Variants in RAB5C observed in about 807,000 individuals in gnomAD.
RAB5C encodes the protein ras-related protein Rab-5C.
In RAB5C, 4 loss-of-function variants were observed where a neutral mutation model predicts 25.2. The ratio of observed to expected loss-of-function variants is 0.16; its 90% CI spans 0.08 to 0.36. RAB5C has a LOEUF of 0.36. RAB5C is among the 10% of genes least tolerant of loss of function. The pLI, the probability that RAB5C is intolerant of heterozygous loss-of-function variation, is 1.00. For synonymous variants in RAB5C, 100 were observed against 106.4 expected (o/e 0.94, Z 0.37); for missense variants, 199 against 283.8 (o/e 0.70, Z 2.15).
At chr17:42,144,817 C>CTT (rs1425923946) in intron 1 of RAB5C, among the ~76,000 whole-genome samples, 9 of 151,710 alleles carry the variant, frequency 5.9e-5, no homozygotes, top group Non-Finnish European at 8.8e-5. Context: ...GTCCCAGCTA[C>CTT]GCAGGAGGCT....
intron 4 of RAB5C, 21 bp from the exon 5 acceptor site, chr17:42,126,869 AG>A: frequency 6.5e-7 from 1 of 1,537,240 alleles, no homozygotes; most frequent in Non-Finnish European, 8.9e-7. Flanking sequence ...TGGAGGTGAG[AG>A]GAGGTGAGAG....
intron 1 of RAB5C, among the ~76,000 whole-genome samples, chr17:42,148,879 C>G (rs1461279030): frequency 2.0e-5 from 3 of 152,164 alleles, no homozygotes; most frequent in Non-Finnish European, 2.9e-5. Context: ...CATAGTCCCC[C>G]ACTCTAACAT....
chr17:42,135,787 G>A (rs889466551), intron 1 of RAB5C, among the ~76,000 whole-genome samples: 7 of 152,186 alleles, frequency 4.6e-5, no homozygotes, highest in African/African-American at 1.7e-4. Context: ...CTGGTAAAAG[G>A]GTGAGCAATT....
chr17:42,147,050 C>T (rs924039864), intron 1 of RAB5C, among the ~76,000 whole-genome samples: 59 of 120,586 alleles, frequency 4.9e-4, no homozygotes, highest in African/African-American at 1.9e-3. Flanking sequence ...GAAAGAAAGA[C>T]AGAAAAAGAA....
intron 1 of RAB5C, among the ~76,000 whole-genome samples, chr17:42,152,132 A>G (rs1210026528): frequency 1.3e-5 from 2 of 152,054 alleles, no homozygotes; most frequent in African/African-American, 4.8e-5. Context: ...TCAAAAAAAA[A>G]AAAGTAATAA....
chr17:42,145,780 C>T lies in RAB5C; in HGVS notation c.-89+9113G>A, dbSNP rs2079631676. ...AAAAGAGAAAAATACTGGACAAATC[C>T]CAGTTGAGAAGAGATTCTCTTTATT... On this transcript the variant is annotated intron_variant, in intron 1 of 5. Coordinates refer to ENST00000346213, the MANE Select transcript of RAB5C (RefSeq NM_004583.4). Among the ~76,000 whole-genome samples, 3 of 152,120 alleles carry T rather than the reference C, an allele frequency of 2.0e-5. No individual in the cohort carries two copies. The South Asian group carries it at 6.2e-4, about 31-fold the overall frequency.
rs201916785 is a variant in RAB5C at position 42,128,619 on chromosome 17, G to T, written c.318+30C>A. ...CCCTGGGACTTTGAGAAGATGAAGGGCAAAGGAAGAAGCAAGGGGAAATCT... is the reference window on the plus strand; with the variant it reads ...CCCTGGGACTTTGAGAAGATGAAGGTCAAAGGAAGAAGCAAGGGGAAATCT... On this transcript the variant is annotated intron_variant, in intron 3 of 5. Coordinates refer to ENST00000346213, the MANE Select transcript of RAB5C (RefSeq NM_004583.4). 4.1e-6 allele frequency: 6 copies of T among 1,448,448 alleles called. No homozygotes were observed. In the East Asian group the frequency reaches 1.5e-4, roughly 37 times the overall value. 89.7% of individuals were successfully genotyped at this position (1,448,448 alleles called of 1,614,324 possible). A position where few individuals can be genotyped will look rare whatever the true frequency, so the allele number is the denominator to read the frequency against.
rs146191856 is a variant in RAB5C, at chr17:42,148,754, G to A, written c.-89+6139C>T. On this transcript the variant is annotated intron_variant, in intron 1 of 5. Coordinates refer to ENST00000346213, the MANE Select transcript of RAB5C (RefSeq NM_004583.4). ...AGGGAGATACAGTTTCCAGGCACGT[G>A]AGGTGCAGAAGAGCCTTCTAGGCAA... Among the ~76,000 whole-genome samples the A allele has an allele frequency of 7.2e-5, 11 of 152,340 alleles. No individual in the cohort carries two copies. The East Asian group carries it at 1.2e-3, about 16-fold the overall frequency.
In RAB5C at chr17:42,142,164, TA is replaced by T. The variant is rs34759135; in HGVS notation, c.-88-11575del. 6.9e-3 allele frequency among the ~76,000 whole-genome samples: 939 copies of T among 135,946 alleles called. 4 individuals carry two copies. The highest frequency in any genetic ancestry group is 0.017 in the African/African-American group (674 of 38,630). 89.2% of individuals were successfully genotyped at this position (135,946 alleles called of 152,430 possible). ...CCCAACCATGCAAACCATAACCTCT[TA>T]AAAAAAAAAAAAAAGCCCCATTAAC... On this transcript the variant is annotated intron_variant, in intron 1 of 5. Transcript: ENST00000346213.
At chr17:42,149,584 A>T (rs1044457515) in intron 1 of RAB5C, among the ~76,000 whole-genome samples, 1 of 152,168 alleles carries the variant, frequency 6.6e-6, no homozygotes, top group East Asian at 1.9e-4. Flanking sequence ...TCTCAAAAAT[A>T]AATAAATTAA....
intron 1 of RAB5C, among the ~76,000 whole-genome samples, chr17:42,132,680 A>T (rs1337516781): frequency 2.0e-5 from 3 of 151,718 alleles, no homozygotes; most frequent in Non-Finnish European, 4.4e-5. Context: ...CCAGCTAATT[A>T]AAATTTTCTT....
At chr17:42,146,053 C>A (rs2079633088) in intron 1 of RAB5C, among the ~76,000 whole-genome samples, 1 of 152,136 alleles carries the variant, frequency 6.6e-6, no homozygotes, top group Admixed American at 6.5e-5. Context: ...GTGATCCACC[C>A]ACCTCGGCCT....
At chr17:42,131,473 C>T in intron 1 of RAB5C, 2 of 822,762 alleles carry the variant, frequency 2.4e-6, no homozygotes, top group Non-Finnish European at 3.9e-6. Context: ...TGCCAACACA[C>T]ACACAGAAAT....
chr17:42,149,443 A>G (rs1010353495), intron 1 of RAB5C, among the ~76,000 whole-genome samples: 14 of 152,252 alleles, frequency 9.2e-5, no homozygotes, highest in Non-Finnish European at 2.9e-5. Context: ...CTAGCCGGGC[A>G]TGGTGGTACA....
intron 1 of RAB5C, among the ~76,000 whole-genome samples, chr17:42,134,244 T>C (rs2054514292): frequency 6.6e-6 from 1 of 152,192 alleles, no homozygotes; most frequent in Non-Finnish European, 1.5e-5. Flanking sequence ...TGAGCTGTCC[T>C]GCCTCCCAGG....
At chr17:42,132,947 C>T (rs1283928170) in intron 1 of RAB5C, among the ~76,000 whole-genome samples, 2 of 152,182 alleles carry the variant, frequency 1.3e-5, no homozygotes, top group African/African-American at 4.8e-5. Context: ...TGCCATCCTC[C>T]CTGCTGTGGA....
chr17:42,129,094 G>GC (rs1754023798), intron 2 of RAB5C, among the ~76,000 whole-genome samples: 3 of 152,126 alleles, frequency 2.0e-5, no homozygotes. Context: ...GAGCAACACA[G>GC]CAGGGGCAAG....
chr17:42,154,108 C>G (rs767617421), intron 1 of RAB5C, among the ~76,000 whole-genome samples: 1 of 152,170 alleles, frequency 6.6e-6, no homozygotes, highest in Non-Finnish European at 1.5e-5. Context: ...CACTCACGTG[C>G]TCTGGGAGGA....
intron 1 of RAB5C, among the ~76,000 whole-genome samples, chr17:42,145,968 G>A (rs2079632652): frequency 6.6e-6 from 1 of 151,984 alleles, no homozygotes; most frequent in African/African-American, 2.4e-5. Flanking sequence ...CACCATGCCT[G>A]GCTAATTTTT....
Sources: gnomAD v4.1 joint callset for allele counts (sites outside exome capture counted in the v4.1 genomes callset) on GRCh38, gnomAD v4.1.1 for gene constraint, MANE v1.5 for transcripts, NCBI Gene and HGNC (gene_info 2026-07-23, HGNC 2026-07-21) for gene names.